The following GALNT18 variants were observed in gnomAD, a reference collection of about 807,000 sequenced individuals.
The protein encoded by GALNT18 is polypeptide N-acetylgalactosaminyltransferase 18.
A neutral mutation model predicts 69.5 loss-of-function variants in GALNT18; 44 were observed. That is an observed-to-expected ratio of 0.63 (90% CI 0.50 to 0.81). The LOEUF (loss-of-function observed/expected upper bound fraction) is 0.81, where lower values mean the gene tolerates loss of function less well. GALNT18 is among the 40% of genes least tolerant of loss of function. The pLI is 0.00. For missense variants in GALNT18, 715 were observed against 810.0 expected, an observed-to-expected ratio of 0.88 and a Z score of 1.42; for synonymous variants, 364 against 318.2, an observed-to-expected ratio of 1.14 and a Z score of -1.53.
At chr11:11,457,688 T>C (rs939487310) in intron 1 of GALNT18, among the ~76,000 whole-genome samples, 2 of 152,214 alleles carry the variant, frequency 1.3e-5, no homozygotes, top group Non-Finnish European at 2.9e-5. Flanking sequence ...GCTCTGCTTC[T>C]TGTCCCTCGG....
intron 3 of GALNT18, among the ~76,000 whole-genome samples, chr11:11,416,502 C>T (rs1273404924): frequency 6.6e-6 from 1 of 152,034 alleles, no homozygotes; most frequent in Non-Finnish European, 1.5e-5. Context: ...AACTCTGAGC[C>T]CCTACTTAAT....
At chr11:11,609,022 G>A (rs1290258221) in intron 1 of GALNT18, among the ~76,000 whole-genome samples, 2 of 152,152 alleles carry the variant, frequency 1.3e-5, no homozygotes, top group Non-Finnish European at 2.9e-5. Context: ...ACTGTTTCTT[G>A]TTTTGTCTTC....
chr11:11,574,339 CT>C, intron 1 of GALNT18, among the ~76,000 whole-genome samples: 1 of 152,316 alleles, frequency 6.6e-6, no homozygotes, highest in Admixed American at 6.5e-5. Context: ...GTCAAATCTG[CT>C]CCCTAGACTG....
At chr11:11,311,090 T>G (rs1324375249) in intron 9 of GALNT18, among the ~76,000 whole-genome samples, 1 of 152,194 alleles carries the variant, frequency 6.6e-6, no homozygotes, top group Non-Finnish European at 1.5e-5. Flanking sequence ...GTAGGGACAC[T>G]GCTGGTGTCA....
At chr11:11,607,940 A>G (rs574752393) in intron 1 of GALNT18, among the ~76,000 whole-genome samples, 1 of 152,356 alleles carries the variant, frequency 6.6e-6, no homozygotes, top group African/African-American at 2.4e-5. Flanking sequence ...AGATTTTACA[A>G]AACAAATCTG....
In GALNT18 at chr11:11,332,289, T is replaced by A. The variant is rs1331308261; in HGVS notation, c.1416+405A>T. 6.6e-6 allele frequency among the ~76,000 whole-genome samples: 1 copy of A among 152,210 alleles called. No homozygotes were observed. The highest frequency in any genetic ancestry group is 1.5e-5 in the Non-Finnish European group (1 of 68,038). ...GAACTCTTCTCAGGGAGGCTCTGCATGCGAGTGGGAGGCATTAGCTCCTTG... is the reference window on the plus strand; with the variant it reads ...GAACTCTTCTCAGGGAGGCTCTGCAAGCGAGTGGGAGGCATTAGCTCCTTG... On this transcript the variant is annotated intron_variant, in intron 8 of 10. Coordinates refer to ENST00000227756, the MANE Select transcript of GALNT18 (RefSeq NM_198516.3). This position sits in a 1 kb window ranked among gnomAD's most constrained non-coding sequence, Gnocchi z 4.3.
intron 1 of GALNT18, among the ~76,000 whole-genome samples, chr11:11,585,429 C>G (rs1279296112): frequency 6.6e-6 from 1 of 150,692 alleles, no homozygotes; most frequent in Admixed American, 6.6e-5. Flanking sequence ...GATCTTGGCT[C>G]ACCACAGCCT....
intron 1 of GALNT18, among the ~76,000 whole-genome samples, chr11:11,533,818 G>A (rs1247588596): frequency 7.2e-5 from 11 of 152,248 alleles, no homozygotes; most frequent in South Asian, 4.1e-4. Flanking sequence ...TAGATGCCTC[G>A]TTTCTCTGCC....
intron 2 of GALNT18, among the ~76,000 whole-genome samples, chr11:11,443,512 A>G (rs57521648): frequency 0.13 from 19,884 of 151,650 alleles, 3,134 homozygotes; most frequent in African/African-American, 0.37. Context: ...CCCCTCCTAG[A>G]TTATTTTGGA....
chr11:11,506,605 T>C (rs956819432), intron 1 of GALNT18, among the ~76,000 whole-genome samples: 2 of 152,210 alleles, frequency 1.3e-5, no homozygotes, highest in Non-Finnish European at 2.9e-5. Flanking sequence ...ATTCCCGTCA[T>C]TGCTATTTTC....
intron 9 of GALNT18, among the ~76,000 whole-genome samples, chr11:11,303,838 C>G (rs750276244): frequency 2.0e-5 from 3 of 152,180 alleles, no homozygotes; most frequent in Non-Finnish European, 2.9e-5. Flanking sequence ...GAGGTCATCC[C>G]GGAGACAAGG....
intron 1 of GALNT18, among the ~76,000 whole-genome samples, chr11:11,588,467 AG>A (rs1406696388): frequency 1.3e-5 from 2 of 152,332 alleles, no homozygotes; most frequent in Non-Finnish European, 2.9e-5. Flanking sequence ...CTGTGAAGCG[AG>A]TCAATTCTGG....
At chr11:11,303,804 TG>T (rs1282906866) in intron 9 of GALNT18, among the ~76,000 whole-genome samples, 1 of 152,222 alleles carries the variant, frequency 6.6e-6, no homozygotes, top group East Asian at 1.9e-4. Context: ...AAACTTATCT[TG>T]CCAATCCTTC....
intron 8 of GALNT18, among the ~76,000 whole-genome samples, chr11:11,327,685 G>A (rs1025715522): frequency 8.4e-4 from 128 of 152,346 alleles, no homozygotes; most frequent in African/African-American, 2.9e-3. Flanking sequence ...TGGGAGGTCG[G>A]ATGGGAGAAT....
rs889686588 is a variant in GALNT18 at position 11,616,358 on chromosome 11, G to C, written c.235+5001C>G. On this transcript the variant is annotated intron_variant, in intron 1 of 10. Coordinates refer to ENST00000227756, the MANE Select transcript of GALNT18 (RefSeq NM_198516.3). The surrounding 1 kb of genome is among the most constrained non-coding windows in gnomAD (Gnocchi z 4.4). ...GACTTTGGTACAATAAGACACTGTT[G>C]GTGGCTGTAAAGAAAGCCTTTCCTT... is the stretch of plus-strand genomic sequence containing the variant. 1.3e-5 allele frequency among the ~76,000 whole-genome samples: 2 copies of C among 152,122 alleles called. No homozygotes were observed. Among genetic ancestry groups the C allele is most frequent in the Non-Finnish European group, 2.9e-5 (2 of 68,018 alleles).
intron 1 of GALNT18, among the ~76,000 whole-genome samples, chr11:11,612,463 T>G (rs1002161204): frequency 6.6e-6 from 1 of 152,234 alleles, no homozygotes; most frequent in African/African-American, 2.4e-5. Context: ...AACTCTCATA[T>G]CCATTGGCCT....
At chr11:11,285,400 G>A (rs542763290) in intron 10 of GALNT18, among the ~76,000 whole-genome samples, 5 of 152,196 alleles carry the variant, frequency 3.3e-5, no homozygotes, top group African/African-American at 1.2e-4. Context: ...AGTAGTGCAG[G>A]GCACATAGTA....
rs552781901 is a variant in GALNT18 at position 11,461,482 on chromosome 11, C to T, written c.236-12546G>A. Among the ~76,000 whole-genome samples the T allele has an allele frequency of 1.3e-5, 2 of 152,116 alleles. No individual in the cohort carries two copies. The highest frequency in any genetic ancestry group is 1.5e-5 in the Non-Finnish European group (1 of 68,008). ...CAGAATTTATATGTGCCATTACTTG[C>T]TACTTTAAAGCAACCTTTAAAGCTA... On this transcript the variant is annotated intron_variant, in intron 1 of 10. Coordinates refer to ENST00000227756, the MANE Select transcript of GALNT18 (RefSeq NM_198516.3). This position sits in a 1 kb window ranked among gnomAD's most constrained non-coding sequence, Gnocchi z 4.1.
chr11:11,570,767 T>C (rs1223722978), intron 1 of GALNT18, among the ~76,000 whole-genome samples: 3 of 152,186 alleles, frequency 2.0e-5, no homozygotes, highest in Non-Finnish European at 4.4e-5. Flanking sequence ...TGATCTCAGG[T>C]CTCCATTGCA....
Sources: gnomAD v4.1 joint callset for allele counts (sites outside exome capture counted in the v4.1 genomes callset) on GRCh38, gnomAD v4.1.1 for gene constraint, Gnocchi (gnomAD v3.1) non-coding constraint, MANE v1.5 for transcripts, NCBI Gene and HGNC (gene_info 2026-07-23, HGNC 2026-07-21) for gene names.